IFRD2: variants seen among roughly 807,000 people sequenced by gnomAD.
IFRD2 encodes the protein interferon-related developmental regulator 2.
IFRD2 carries 35 observed loss-of-function variants against 49.2 expected under a neutral mutation model. The observed-to-expected ratio is 0.71, with a 90% CI of 0.54 to 0.94. The LOEUF (loss-of-function observed/expected upper bound fraction) is 0.94. Ranked by LOEUF, IFRD2 falls within the 40% of genes least tolerant of loss-of-function variation. The probability of loss-of-function intolerance (pLI) is 0.00; values close to 1 mark genes in which losing one functional copy is unlikely to be tolerated. For missense variants in IFRD2, 561 were observed against 591.6 expected, an observed-to-expected ratio of 0.95 and a Z score of 0.54; for synonymous variants, 275 against 239.7, an observed-to-expected ratio of 1.15 and a Z score of -1.36.
chr3:50,290,420 C>T lies in IFRD2; in HGVS notation c.231G>A (p.Leu77=). The change falls in exon 3 of 12, where the codon CTG becomes CTA. Residue 77 remains leucine, a synonymous_variant. Coordinates refer to ENST00000417626, the MANE Select transcript of IFRD2 (RefSeq NM_006764.5). ...CTGTGAGACAGTCCACATACTCCTT[C>T]AGCTTTTCCTCAAGGTCTTCCTGCT... ...QGQQEDLEEK[L]KEYVDCLTDK... 2 of 1,579,224 alleles carry T rather than the reference C, an allele frequency of 1.3e-6. No homozygotes were observed. The highest frequency in any genetic ancestry group is 4.6e-5 in the East Asian group (2 of 43,126).
Position 50,292,384 on chromosome 3 carries a change from A to C in IFRD2, c.-110T>G. The C allele has an allele frequency of 6.3e-7, 1 of 1,584,178 alleles. No individual in the cohort carries two copies. Among genetic ancestry groups the C allele is most frequent in the Non-Finnish European group, 8.5e-7 (1 of 1,170,750 alleles). On this transcript the variant is annotated 5_prime_UTR_variant, in exon 1 of 12. Transcript: ENST00000417626. ...CGCTGAGACTTGGCCAGACGACGGGAGCCACACGCCACGCGCGCCACCATC... is the reference window on the plus strand; with the variant it reads ...CGCTGAGACTTGGCCAGACGACGGGCGCCACACGCCACGCGCGCCACCATC...
At position 50,292,391 on chromosome 3, in the gene IFRD2, C is replaced by T. The variant is rs1553709973; in HGVS notation, c.-117G>A. On this transcript the variant is annotated 5_prime_UTR_variant, in exon 1 of 12. It adds an upstream start codon to the 5' untranslated region. Coordinates refer to ENST00000417626, the MANE Select transcript of IFRD2 (RefSeq NM_006764.5). Reference sequence around the variant, plus strand: ...ACTTGGCCAGACGACGGGAGCCACACGCCACGCGCGCCACCATCTTCGCGA... The same window carrying T: ...ACTTGGCCAGACGACGGGAGCCACATGCCACGCGCGCCACCATCTTCGCGA... 3.2e-6 allele frequency: 5 copies of T among 1,586,460 alleles called. No homozygotes were observed. The highest frequency in any genetic ancestry group is 4.3e-6 in the Non-Finnish European group (5 of 1,172,204).
Position 50,289,339 on chromosome 3 carries a change from C to T in IFRD2, c.801G>A (p.Gln267=). 6.2e-7 allele frequency: 1 copy of T among 1,600,224 alleles called. No individual in the cohort carries two copies. The highest frequency in any genetic ancestry group is 8.5e-7 in the Non-Finnish European group (1 of 1,173,608). ...ILDRQLPRLP[Q]LLSSESVNLR... is the part of the protein sequence containing the mutation. Reference sequence around the variant, plus strand: ...GGTTCACACTTTCACTGGACAAGAGCTGGGGCAGCCGGGGCAGCTGCCTAG... The same window carrying T: ...GGTTCACACTTTCACTGGACAAGAGTTGGGGCAGCCGGGGCAGCTGCCTAG... Residue 267 remains glutamine, a synonymous_variant, in exon 8 of 12, where the codon CAG becomes CAA. Transcript: ENST00000417626.
intron 1 of IFRD2, among the ~76,000 whole-genome samples, chr3:50,291,106 G>A (rs781923474): frequency 1.7e-4 from 25 of 150,124 alleles, no homozygotes; most frequent in African/African-American, 5.2e-4. Flanking sequence ...TCTGCCTCCC[G>A]GGTTCCAGTG....
intron 1 of IFRD2, 129 bp downstream of exon 1, chr3:50,292,088 G>T: frequency 1.9e-6 from 2 of 1,042,044 alleles, no homozygotes; most frequent in South Asian, 1.8e-5. Context: ...CCTCGGTAGA[G>T]TTATGGGAAG....
In IFRD2 at chr3:50,292,404, A is replaced by T; in HGVS notation, c.-130T>A. On this transcript the variant is annotated 5_prime_UTR_variant, in exon 1 of 12. Transcript: ENST00000417626. Reference sequence around the variant, plus strand: ...ACGGGAGCCACACGCCACGCGCGCCACCATCTTCGCGAGGCGCCCCGCCCT... The same window carrying T: ...ACGGGAGCCACACGCCACGCGCGCCTCCATCTTCGCGAGGCGCCCCGCCCT... The T allele has an allele frequency of 3.1e-6, 5 of 1,593,732 alleles. No individual in the cohort carries two copies. Among genetic ancestry groups the T allele is most frequent in the Non-Finnish European group, 4.3e-6 (5 of 1,176,208 alleles).
rs1695631685 is a variant in IFRD2 at position 50,288,284 on chromosome 3, C to A, written c.1249-13G>T. On this transcript the variant is annotated splice_polypyrimidine_tract_variant and intron_variant, in intron 11 of 11. Transcript: ENST00000417626. ...CATTGTACAGGTGCTAGAGTGGGGA[C>A]AGAGAGTGACACCCTGGGGAGCTGG... 1 of 1,613,088 alleles carries A rather than the reference C, an allele frequency of 6.2e-7. No individual in the cohort carries two copies. The highest frequency in any genetic ancestry group is 8.5e-7 in the Non-Finnish European group (1 of 1,179,222).
At position 50,292,226 on chromosome 3, in the gene IFRD2, G is replaced by T. The variant is rs868921139; in HGVS notation, c.49C>A (p.Arg17Ser). 1 of 1,484,894 alleles carries T rather than the reference G, an allele frequency of 6.7e-7. No homozygotes were observed. The highest frequency in any genetic ancestry group is 2.4e-5 in the East Asian group (1 of 41,144). The allele number at this position is 1,484,894 out of a possible 1,614,324, so 92.0% of individuals were successfully genotyped here. The change falls in exon 1 of 12, where the codon CGT becomes AGT. Residue 17 changes from arginine to serine, a missense_variant. By Grantham distance (110) the Arg-to-Ser change is moderately radical. Transcript: ENST00000417626. ...GNTLRKGGQR[R>S]GGGARSSAQA... is the part of the protein sequence containing the mutation. ...CCCCCACCCCACTCACCTCCTCCACGGCGCTGACCACCCTTCCGGAGCGTG... is the reference window on the plus strand; with the variant it reads ...CCCCCACCCCACTCACCTCCTCCACTGCGCTGACCACCCTTCCGGAGCGTG...
rs1553709371 is a variant in IFRD2 at position 50,289,606 on chromosome 3, C to A, written c.620G>T (p.Cys207Phe). ...DIQDLVSCLA[C>F]LESVFSRFYG... The stretch of plus-strand genomic sequence containing the variant: ...GAACCGGCTGAAAACACTTTCTAAG[C>A]AGGCAAGGCAAGAGACCAGGTCCTA... Residue 207 changes from cysteine (C) to phenylalanine (F), a missense_variant, in exon 7 of 12, where the codon TGC (cysteine) becomes TTC (phenylalanine). By Grantham distance (205) the Cys-to-Phe change is radical. Transcript: ENST00000417626. The A allele has an allele frequency of 2.5e-6, 4 of 1,596,540 alleles. No homozygotes were observed. Among genetic ancestry groups the A allele is most frequent in the Non-Finnish European group, 3.4e-6 (4 of 1,171,760 alleles).
Position 50,292,313 on chromosome 3 carries a change from C to G in IFRD2, c.-39G>C. ...CGCGGGGGGCGCGGGGTCAGGGACC[C>G]GGTGGGTGTGGGCTCCAGGCCAACG... On this transcript the variant is annotated 5_prime_UTR_variant, in exon 1 of 12. Coordinates refer to ENST00000417626, the MANE Select transcript of IFRD2 (RefSeq NM_006764.5). 2 of 1,566,182 alleles carry G rather than the reference C, an allele frequency of 1.3e-6. No individual in the cohort carries two copies. The highest frequency in any genetic ancestry group is 8.6e-7 in the Non-Finnish European group (1 of 1,157,746).
At position 50,290,695 on chromosome 3, in the gene IFRD2, T is replaced by C. The variant is rs367709558; in HGVS notation, c.59-16A>G. 5.0e-5 allele frequency: 80 copies of C among 1,612,046 alleles called. No individual in the cohort carries two copies. Among genetic ancestry groups the C allele is most frequent in the Non-Finnish European group, 5.9e-5 (70 of 1,179,090 alleles). ...CTCCGGGCACCTGGAGAAGGTGGAA[T>C]AGGACACTCAACTTGCCTCTACTGA... is the stretch of plus-strand genomic sequence containing the variant. On this transcript the variant is annotated splice_polypyrimidine_tract_variant and intron_variant, in intron 1 of 11. Coordinates refer to ENST00000417626, the MANE Select transcript of IFRD2 (RefSeq NM_006764.5).
chr3:50,289,638 C>G lies in IFRD2; in HGVS notation c.598-10G>C. ...GGCAAGAGACCAGGTCCTAGGAGCA[C>G]AGAGAGGCAGGGGAGCTCAGAGGCA... On this transcript the variant is annotated splice_polypyrimidine_tract_variant and intron_variant, in intron 6 of 11. Coordinates refer to ENST00000417626, the MANE Select transcript of IFRD2 (RefSeq NM_006764.5). 1.9e-6 allele frequency: 3 copies of G among 1,599,238 alleles called. No homozygotes were observed. The highest frequency in any genetic ancestry group is 1.7e-6 in the Non-Finnish European group (2 of 1,173,084).
In IFRD2 at chr3:50,288,919, C is replaced by T. The variant is rs781908809; in HGVS notation, c.904G>A (p.Asp302Asn). 6.2e-7 allele frequency: 1 copy of T among 1,612,710 alleles called. No homozygotes were observed. The highest frequency in any genetic ancestry group is 8.5e-7 in the Non-Finnish European group (1 of 1,179,278). ...AGGACACTGCAGAGGGCCTCCATGT[C>T]CTCGTAAACAAACTCCTCCTGCAAT... ...RDLEEEFVYE[D>N]MEALCSVLRT... is the part of the protein sequence containing the mutation. The change falls in exon 9 of 12, where the codon GAC becomes AAC. Residue 302 changes from aspartate to asparagine, a missense_variant. By Grantham distance (23) the Asp-to-Asn change is conservative. Coordinates refer to ENST00000417626, the MANE Select transcript of IFRD2 (RefSeq NM_006764.5).
At position 50,288,797 on chromosome 3, in the gene IFRD2, C is replaced by G. The variant is rs782666025; in HGVS notation, c.1023+3G>C. 34 of 1,612,976 alleles carry G rather than the reference C, an allele frequency of 2.1e-5. No homozygotes were observed. Among genetic ancestry groups the G allele is most frequent in the Non-Finnish European group, 2.9e-5 (34 of 1,179,454 alleles). On this transcript the variant is annotated splice_donor_region_variant and intron_variant, in intron 9 of 11. Coordinates refer to ENST00000417626, the MANE Select transcript of IFRD2 (RefSeq NM_006764.5). ...GCTAGGACACATATGTTCTCACACA[C>G]ACCTCCACGGAGTGCAGCACGGCGC...
chr3:50,290,197 C>T lies in IFRD2; in HGVS notation c.361G>A (p.Asp121Asn), dbSNP rs782605999. 20 of 1,613,716 alleles carry T rather than the reference C, an allele frequency of 1.2e-5. No homozygotes were observed. The highest frequency in any genetic ancestry group is 6.7e-5 in the East Asian group (3 of 44,894). ...TTCTTGAGGCACTTTTCCAGGGCAT[C>T]GGCTAGCGTGAGGCGGCGCTCCAGC... ...FLLERRLTLA[D>N]ALEKCLKKGK... is the part of the protein sequence containing the mutation. Residue 121 changes from aspartate to asparagine, a missense_variant, in exon 4 of 12, where the codon GAT (aspartate) becomes AAT (asparagine). Coordinates refer to ENST00000417626, the MANE Select transcript of IFRD2 (RefSeq NM_006764.5).
At position 50,290,311 on chromosome 3, in the gene IFRD2, A is replaced by C; in HGVS notation, c.264-17T>G. ...GTCTTGGCACTGGGGGAGGTCGAGA[A>C]GGGGGGTCATATGGGCCAGCCCTCC... is the stretch of plus-strand genomic sequence containing the variant. On this transcript the variant is annotated splice_polypyrimidine_tract_variant and intron_variant, in intron 3 of 11. Transcript: ENST00000417626. 1 of 1,608,460 alleles carries C rather than the reference A, an allele frequency of 6.2e-7. No individual in the cohort carries two copies. The highest frequency in any genetic ancestry group is 8.5e-7 in the Non-Finnish European group (1 of 1,177,252).
In IFRD2 at chr3:50,290,390, C is replaced by G. The variant is rs1215398931; in HGVS notation, c.261G>C (p.Lys87Asn). 1.3e-6 allele frequency: 2 copies of G among 1,583,782 alleles called. No homozygotes were observed. Among genetic ancestry groups the G allele is most frequent in the Non-Finnish European group, 1.7e-6 (2 of 1,164,510 alleles). The part of the protein sequence containing the change: ...LKEYVDCLTD[K>N]SAKTRQGALE... ...AGTTGGCTGGCAGCCAGGGGTACCT[C>G]TTGTCTGTGAGACAGTCCACATACT... Residue 87 changes from lysine to asparagine, a missense_variant and splice_region_variant, in exon 3 of 12, where the codon AAG becomes AAC. Coordinates refer to ENST00000417626, the MANE Select transcript of IFRD2 (RefSeq NM_006764.5).
rs1241997386 is a variant in IFRD2 at position 50,289,075 on chromosome 3, G to A, written c.886-138C>T. 3.9e-6 allele frequency: 5 copies of A among 1,287,426 alleles called. No individual in the cohort carries two copies. The South Asian group carries it at 4.2e-5, about 11-fold the overall frequency. The allele number at this position is 1,287,426 out of a possible 1,614,324, so 79.8% of individuals were successfully genotyped here. On this transcript the variant is annotated intron_variant, in intron 8 of 11. Transcript: ENST00000417626. The stretch of plus-strand genomic sequence containing the variant: ...CCCCTTTGACCCCTCCTTGGCCTCT[G>A]TCAGGCCAGGACACCACTGCTGAGG...
Position 50,292,367 on chromosome 3 carries a change from C to G in IFRD2, c.-93G>C. 1 of 1,575,428 alleles carries G rather than the reference C, an allele frequency of 6.3e-7. No individual in the cohort carries two copies. Among genetic ancestry groups the G allele is most frequent in the Non-Finnish European group, 8.6e-7 (1 of 1,165,774 alleles). ...CGCCGGCCGGTGCGCTGCGCTGAGA[C>G]TTGGCCAGACGACGGGAGCCACACG... is the stretch of plus-strand genomic sequence containing the variant. On this transcript the variant is annotated 5_prime_UTR_variant, in exon 1 of 12. Coordinates refer to ENST00000417626, the MANE Select transcript of IFRD2 (RefSeq NM_006764.5).
Sources: gnomAD v4.1 joint callset for allele counts (sites outside exome capture counted in the v4.1 genomes callset) on GRCh38, gnomAD v4.1.1 for gene constraint, MANE v1.5 for transcripts, NCBI Gene and HGNC (gene_info 2026-07-23, HGNC 2026-07-21) for gene names.